HOXA3: variants seen among roughly 807,000 people sequenced by gnomAD.
HOXA3 encodes homeobox protein Hox-A3.
HOXA3 carries 8 observed loss-of-function variants against 30.3 expected under a neutral mutation model. The observed-to-expected ratio is 0.26, with a 90% CI of 0.15 to 0.48. HOXA3 has a LOEUF of 0.48. Ranked by LOEUF, HOXA3 falls within the 20% of genes least tolerant of loss-of-function variation. The pLI is 0.99. For synonymous variants in HOXA3, 323 were observed against 273.1 expected, an observed-to-expected ratio of 1.18 and a Z score of -1.80; for missense variants, 653 against 614.4, an observed-to-expected ratio of 1.06 and a Z score of -0.66.
At chr7:27,109,938 G>A in intron 5 of HOXA3, 177 bp downstream of exon 5, 1 of 704,290 alleles carries the variant, frequency 1.4e-6, no homozygotes, top group Non-Finnish European at 2.4e-6. Flanking sequence ...AGCCTACAGA[G>A]GCCTATCACC....
At chr7:27,147,663 C>T in intron 1 of HOXA3, 1 of 1,614,160 alleles carries the variant, frequency 6.2e-7, no homozygotes, top group Non-Finnish European at 8.5e-7. Context: ...CATAGCCAGC[C>T]TGGTAGAGGG....
In HOXA3 at chr7:27,140,091, G is replaced by A. The variant is rs541452274; in HGVS notation, c.-398C>T. On this transcript the variant is annotated 5_prime_UTR_variant, in exon 2 of 6. Transcript: ENST00000612286. Reference sequence around the variant, plus strand: ...TCAGGAGGCGAGCTTACCTTAACTCGGAGGGAGCCATTTTTCAGAGAGTTT... The same window carrying A: ...TCAGGAGGCGAGCTTACCTTAACTCAGAGGGAGCCATTTTTCAGAGAGTTT... The A allele has an allele frequency of 6.6e-6, 1 of 151,620 alleles. No individual in the cohort carries two copies. The highest frequency in any genetic ancestry group is 2.1e-4 in the South Asian group (1 of 4,808). The allele number at this position is 151,620 out of a possible 1,614,324, so 9.4% of individuals were successfully genotyped here.
chr7:27,145,645 C>A, intron 1 of HOXA3: 1 of 1,610,554 alleles, frequency 6.2e-7, no homozygotes, highest in South Asian at 1.1e-5. Context: ...TGGCCTGGTC[C>A]CTGCCCAGGC....
At chr7:27,130,629 G>A (rs779775019) in intron 2 of HOXA3, 2 of 1,575,000 alleles carry the variant, frequency 1.3e-6, no homozygotes, top group South Asian at 2.3e-5. Context: ...CCCCGCCCGG[G>A]CCGCCGTCTG....
intron 4 of HOXA3, chr7:27,121,056 G>T (rs192545964): frequency 6.6e-6 from 1 of 152,244 alleles, no homozygotes; most frequent in Non-Finnish European, 1.5e-5. Context: ...GGTACACACC[G>T]TTAGCCAATA....
intron 1 of HOXA3, among the ~76,000 whole-genome samples, chr7:27,146,974 G>A (rs756699797): frequency 3.9e-5 from 6 of 152,056 alleles, no homozygotes; most frequent in Non-Finnish European, 7.4e-5. Context: ...AGCTGAGCAG[G>A]GTACTCAGGG....
At chr7:27,152,071 G>A (rs1165013614) in intron 1 of HOXA3, among the ~76,000 whole-genome samples, 3 of 150,908 alleles carry the variant, frequency 2.0e-5, no homozygotes, top group Admixed American at 1.3e-4. Flanking sequence ...GGGAGAGAAA[G>A]GGAGTGGTGT....
intron 4 of HOXA3, among the ~76,000 whole-genome samples, chr7:27,111,124 T>C (rs778719573): frequency 8.3e-4 from 127 of 152,212 alleles, no homozygotes; most frequent in Non-Finnish European, 1.4e-3. Context: ...GCTTAGTTTC[T>C]GCTCCTTGGC....
chr7:27,120,299 T>C (rs1784940857), intron 4 of HOXA3, among the ~76,000 whole-genome samples: 1 of 151,984 alleles, frequency 6.6e-6, no homozygotes, highest in African/African-American at 2.4e-5. Flanking sequence ...TCCCAGCACT[T>C]TGGGAGGCCG....
At chr7:27,129,928 A>C in intron 2 of HOXA3, 1 of 655,350 alleles carries the variant, frequency 1.5e-6, no homozygotes, top group Non-Finnish European at 2.6e-6. Flanking sequence ...CCCTGGGTAC[A>C]AAAGGGTTCT....
Position 27,129,442 on chromosome 7 carries a change from G to A in HOXA3, c.-389-2372C>T, listed in dbSNP as rs779749507. The A allele has an allele frequency of 8.7e-6, 14 of 1,614,066 alleles. No individual in the cohort carries two copies. In the Admixed American group the frequency reaches 1.5e-4, roughly 17 times the overall value. ...GCGCTCAGACAAACAGAGCGTGTGG[G>A]CGATCTCGATGCGGCGCCGCCGGGT... On this transcript the variant is annotated intron_variant, in intron 2 of 5. Transcript: ENST00000612286.
rs1400787968 is a variant in HOXA3 at position 27,147,884 on chromosome 7, G to C, written c.-494+4404C>G. 7.2e-6 allele frequency: 6 copies of C among 836,350 alleles called. No individual in the cohort carries two copies. The African/African-American group carries it at 1.0e-4, about 14-fold the overall frequency. The allele number at this position is 836,350 out of a possible 1,614,324, so 51.8% of individuals were successfully genotyped here. A position where few individuals can be genotyped will look rare whatever the true frequency, so the allele number is the denominator to read the frequency against. ...ACAGCAGCAAATCGCACCAGCTGAC[G>C]CGGCGGCGGCCAATGGGAGCGAACG... is the stretch of plus-strand genomic sequence containing the variant. On this transcript the variant is annotated intron_variant, in intron 1 of 5. Coordinates refer to ENST00000612286, the MANE Select transcript of HOXA3 (RefSeq NM_153631.3).
At chr7:27,130,808 T>A in intron 2 of HOXA3, 1 of 1,339,098 alleles carries the variant, frequency 7.5e-7, no homozygotes, top group East Asian at 2.7e-5. Flanking sequence ...CCCCTCCCCC[T>A]CCTGCCTCGC....
At chr7:27,141,201 C>CAT (rs1265669583) in intron 1 of HOXA3, 1 of 139,140 alleles carries the variant, frequency 7.2e-6, no homozygotes, top group African/African-American at 2.7e-5. Context: ...TTCACAAAAA[C>CAT]ATACATCACT....
intron 1 of HOXA3, chr7:27,151,091 A>C (rs1334882654): frequency 6.6e-6 from 1 of 152,428 alleles, no homozygotes; most frequent in African/African-American, 2.4e-5. Flanking sequence ...CCCCGAGCGC[A>C]CGCAGAGCAC....
intron 2 of HOXA3, among the ~76,000 whole-genome samples, chr7:27,133,842 T>A (rs1425514650): frequency 1.3e-5 from 2 of 152,226 alleles, no homozygotes; most frequent in African/African-American, 4.8e-5. Flanking sequence ...ACATTGACAG[T>A]CTTTGTTAAA....
In HOXA3 at chr7:27,152,077, GGTGTGTGTGTGTGTGT is replaced by G. The variant is rs368928402; in HGVS notation, c.-494+195_-494+210del. ...GCCAGGGAGGGGAGAGAAAGGGAGT[GGTGTGTGTGTGTGTGT>G]GCGTGCGCGCGTGTGTGCCTGTGTG... is the stretch of plus-strand genomic sequence containing the variant. On this transcript the variant is annotated intron_variant, in intron 1 of 5. Transcript: ENST00000612286. 9.2e-5 allele frequency among the ~76,000 whole-genome samples: 14 copies of G among 151,598 alleles called. No individual in the cohort carries two copies. In the South Asian group the frequency reaches 2.9e-3, roughly 32 times the overall value.
In HOXA3 at chr7:27,110,811, T is replaced by C. The variant is rs184275958; in HGVS notation, c.-120-51A>G. ...GTGAGGGCTCCGCGCAAATCCATCT[T>C]ACTCTCAATAGCTAAGTGACATGAA... is the stretch of plus-strand genomic sequence containing the variant. On this transcript the variant is annotated intron_variant, in intron 4 of 5. Transcript: ENST00000612286. 1,044 of 885,990 alleles carry C rather than the reference T, an allele frequency of 1.2e-3. 15 individuals carry two copies. The African/African-American group carries it at 0.016, about 13-fold the overall frequency. 54.9% of individuals were successfully genotyped at this position (885,990 alleles called of 1,614,324 possible).
At chr7:27,111,387 A>C (rs982635134) in intron 4 of HOXA3, among the ~76,000 whole-genome samples, 1 of 152,134 alleles carries the variant, frequency 6.6e-6, no homozygotes, top group African/African-American at 2.4e-5. Flanking sequence ...CTTGTTAGGA[A>C]GTTAATCCAC....
Sources: allele counts gnomAD v4.1 joint callset (sites outside exome capture counted in the v4.1 genomes callset), GRCh38; gene constraint gnomAD v4.1.1; transcripts MANE v1.5; gene names NCBI Gene and HGNC (gene_info 2026-07-23, HGNC 2026-07-21).